The following SHLD1 variants were observed in gnomAD, a reference collection of about 807,000 sequenced individuals.
The protein encoded by SHLD1 is RINN1-REV7-interacting novel NHEJ regulator 3.
Under a neutral mutation model 5.5 loss-of-function variants are expected in SHLD1, and 3 were observed. That is an observed-to-expected ratio of 0.54 (90% confidence interval 0.25 to 1.40). SHLD1 has a LOEUF of 1.40. Among genes scored for constraint, SHLD1 ranks in the 40% most tolerant of loss-of-function variants. SHLD1 has a pLI of 0.15. For missense variants in SHLD1, 210 were observed against 244.4 expected (o/e 0.86, Z 0.94); for synonymous variants, 92 against 94.3 (o/e 0.98, Z 0.14).
intron 2 of SHLD1, among the ~76,000 whole-genome samples, chr20:5,826,967 C>A (rs2087673494): frequency 6.6e-6 from 1 of 152,006 alleles, no homozygotes; most frequent in African/African-American, 2.4e-5. Flanking sequence ...CCAGACCCTC[C>A]CTCTCTGCAT....
At chr20:5,832,033 C>T (rs1262168483) in intron 2 of SHLD1, among the ~76,000 whole-genome samples, 1 of 152,186 alleles carries the variant, frequency 6.6e-6, no homozygotes, top group African/African-American at 2.4e-5. Context: ...CTCCGCCTAC[C>T]TGCTTCAAGT....
At position 5,779,766 on chromosome 20, in the gene SHLD1, A is replaced by G. The variant is rs902067108; in HGVS notation, c.178+6723A>G. On this transcript the variant is annotated intron_variant, in intron 2 of 2. Coordinates refer to ENST00000303142, the MANE Select transcript of SHLD1 (RefSeq NM_152504.4). ...TCCTGGTATTTACTCAGTGAGGCAC[A>G]CACTGTTGGCTACCTTCATGTAGCT... 3.1e-4 allele frequency among the ~76,000 whole-genome samples: 47 copies of G among 152,280 alleles called. 1 individual carries two copies. Among genetic ancestry groups the G allele is most frequent in the African/African-American group, 1.1e-3 (45 of 41,562 alleles).
intron 2 of SHLD1, among the ~76,000 whole-genome samples, chr20:5,839,890 G>A (rs2087837738): frequency 6.6e-6 from 1 of 152,180 alleles, no homozygotes; most frequent in African/African-American, 2.4e-5. Context: ...CTGTTTGGTG[G>A]AAGAACCTTT....
Position 5,855,652 on chromosome 20 carries a change from A to G in SHLD1, c.179-7372A>G, listed in dbSNP as rs906257106. Among the ~76,000 whole-genome samples the G allele has an allele frequency of 1.3e-5, 2 of 152,176 alleles. No homozygotes were observed. Among genetic ancestry groups the G allele is most frequent in the African/African-American group, 4.8e-5 (2 of 41,456 alleles). On this transcript the variant is annotated intron_variant, in intron 2 of 2. Coordinates refer to ENST00000303142, the MANE Select transcript of SHLD1 (RefSeq NM_152504.4). This position sits in a 1 kb window ranked among gnomAD's most constrained non-coding sequence, Gnocchi z 4.4. ...CCCCCAAAGTGCTGGGATTATAGAC[A>G]TGAGCCGCCGCACCTGGCCTGCCAA...
chr20:5,761,259 G>T (rs539720069), intron 1 of SHLD1, among the ~76,000 whole-genome samples: 7 of 151,982 alleles, frequency 4.6e-5, no homozygotes, highest in Non-Finnish European at 7.4e-5. Flanking sequence ...CCTGTCAGGG[G>T]TTAGGGTCAA....
At chr20:5,810,117 C>T (rs539386392) in intron 2 of SHLD1, among the ~76,000 whole-genome samples, 3 of 152,000 alleles carry the variant, frequency 2.0e-5, no homozygotes, top group East Asian at 1.9e-4. Flanking sequence ...ATTAGCCAGG[C>T]GTGATGCTGC....
At chr20:5,761,335 A>G (rs6053661) in intron 1 of SHLD1, among the ~76,000 whole-genome samples, 38 of 152,092 alleles carry the variant, frequency 2.5e-4, no homozygotes, top group African/African-American at 8.9e-4. Context: ...TGACGGGTTG[A>G]TAGGTGCAGT....
At chr20:5,815,950 G>A (rs2122391708) in intron 2 of SHLD1, among the ~76,000 whole-genome samples, 1 of 152,058 alleles carries the variant, frequency 6.6e-6, no homozygotes, top group Non-Finnish European at 1.5e-5. Flanking sequence ...GTGTGGTGGT[G>A]TGTGCCTGTA....
intron 1 of SHLD1, among the ~76,000 whole-genome samples, chr20:5,758,284 G>C (rs893582239): frequency 1.5e-5 from 2 of 131,204 alleles, no homozygotes; most frequent in African/African-American, 5.6e-5. Flanking sequence ...GTTTCTTGGT[G>C]GTAATTAATG....
chr20:5,785,086 A>G (rs565747939), intron 2 of SHLD1, among the ~76,000 whole-genome samples: 1 of 152,298 alleles, frequency 6.6e-6, no homozygotes, highest in East Asian at 1.9e-4. Flanking sequence ...AAATACAAGG[A>G]AACAACTTGA....
chr20:5,773,872 C>T lies in SHLD1; in HGVS notation c.178+829C>T, dbSNP rs376512593. On this transcript the variant is annotated intron_variant, in intron 2 of 2. Coordinates refer to ENST00000303142, the MANE Select transcript of SHLD1 (RefSeq NM_152504.4). ...ATACTTAGCATGGTTTTTCTGCCAT[C>T]GATGGGTGCTCAGTCAATGTTGTTG... is the stretch of plus-strand genomic sequence containing the variant. 7.2e-5 allele frequency among the ~76,000 whole-genome samples: 11 copies of T among 152,138 alleles called. No homozygotes were observed. In the East Asian group the frequency reaches 1.5e-3, roughly 21 times the overall value.
At chr20:5,838,435 G>A (rs1337369527) in intron 2 of SHLD1, among the ~76,000 whole-genome samples, 1 of 152,186 alleles carries the variant, frequency 6.6e-6, no homozygotes, top group Non-Finnish European at 1.5e-5. Flanking sequence ...TATATATTAT[G>A]TAGATAAAAA....
At chr20:5,831,418 T>C (rs2087727535) in intron 2 of SHLD1, among the ~76,000 whole-genome samples, 1 of 152,234 alleles carries the variant, frequency 6.6e-6, no homozygotes, top group Non-Finnish European at 1.5e-5. Flanking sequence ...TAGCGGTTAA[T>C]ACTACTTTAC....
intron 1 of SHLD1, chr20:5,771,938 G>A (rs150961994): frequency 2.4e-5 from 9 of 367,498 alleles, no homozygotes; most frequent in Non-Finnish European, 3.7e-5. Flanking sequence ...GCAATAGCAC[G>A]GTCTCCGCTC....
At chr20:5,835,367 A>G (rs2087777174) in intron 2 of SHLD1, among the ~76,000 whole-genome samples, 1 of 152,238 alleles carries the variant, frequency 6.6e-6, no homozygotes, top group Non-Finnish European at 1.5e-5. Flanking sequence ...CCAGGAGACC[A>G]TAGCTAGAAC....
At chr20:5,777,665 G>A (rs1462802027) in intron 2 of SHLD1, among the ~76,000 whole-genome samples, 1 of 150,150 alleles carries the variant, frequency 6.7e-6, no homozygotes, top group Non-Finnish European at 1.5e-5. Context: ...GAACTCCTGG[G>A]CCCAAGCGAT....
intron 2 of SHLD1, among the ~76,000 whole-genome samples, chr20:5,787,863 A>G (rs2087080760): frequency 1.3e-5 from 2 of 152,228 alleles, no homozygotes; most frequent in South Asian, 4.1e-4. Context: ...AGTTAAAAGC[A>G]TATATTATTA....
In SHLD1 at chr20:5,772,891, G is replaced by A; in HGVS notation, c.26G>A (p.Gly9Asp). 2 of 1,613,260 alleles carry A rather than the reference G, an allele frequency of 1.2e-6. No homozygotes were observed. The highest frequency in any genetic ancestry group is 1.7e-6 in the Non-Finnish European group (2 of 1,179,542). Residue 9 changes from glycine (G) to aspartate (D), a missense_variant, in exon 2 of 3, where the codon GGC becomes GAC. Transcript: ENST00000303142. MAARDATS[G>D]SLSEESSALD... ...ATGGCAGCCAGGGACGCCACTTCAGGCAGCCTGTCAGAGGAGAGCAGTGCT... is the reference window on the plus strand; with the variant it reads ...ATGGCAGCCAGGGACGCCACTTCAGACAGCCTGTCAGAGGAGAGCAGTGCT...
chr20:5,755,365 G>A (rs1018843316), intron 1 of SHLD1, among the ~76,000 whole-genome samples: 1 of 152,002 alleles, frequency 6.6e-6, no homozygotes, highest in Non-Finnish European at 1.5e-5. Flanking sequence ...ACCCTATTGT[G>A]AACTGCACAT....
Sources: gnomAD v4.1 joint callset for allele counts (sites outside exome capture counted in the v4.1 genomes callset) on GRCh38, gnomAD v4.1.1 for gene constraint, Gnocchi (gnomAD v3.1) non-coding constraint, MANE v1.5 for transcripts, NCBI Gene and HGNC (gene_info 2026-07-23, HGNC 2026-07-21) for gene names.